The following NSMCE2 variants were observed in gnomAD, a reference collection of about 807,000 sequenced individuals.
NSMCE2 encodes NSE2 SUMO ligase component of SMC5/6 complex.
A neutral mutation model predicts 23.8 loss-of-function variants in NSMCE2; 24 were observed. That is an observed-to-expected ratio of 1.01 (90% CI 0.73 to 1.42). The LOEUF (loss-of-function observed/expected upper bound fraction) is 1.42. Ranked by LOEUF, NSMCE2 falls within the 40% of genes most tolerant of loss-of-function variation. NSMCE2 has a pLI of 0.00. For missense variants in NSMCE2, 284 were observed against 296.5 expected (o/e 0.96, Z 0.31); for synonymous variants, 92 against 94.1 (o/e 0.98, Z 0.13).
At chr8:125,156,564 T>C (rs1325207761) in intron 4 of NSMCE2, among the ~76,000 whole-genome samples, 1 of 152,192 alleles carries the variant, frequency 6.6e-6, no homozygotes, top group Non-Finnish European at 1.5e-5. Context: ...GGTTGGTCCA[T>C]TTGTATTGTT....
intron 1 of NSMCE2, chr8:125,094,389 T>C (rs1360858029): frequency 6.6e-6 from 1 of 152,222 alleles, no homozygotes; most frequent in Non-Finnish European, 1.5e-5. Flanking sequence ...GAGAAAAGTA[T>C]GTCTGTTCCA....
intron 7 of NSMCE2, among the ~76,000 whole-genome samples, chr8:125,366,323 G>C (rs534912301): frequency 1.2e-3 from 181 of 152,266 alleles, no homozygotes; most frequent in African/African-American, 4.0e-3. Flanking sequence ...GGCGGATCAC[G>C]AGGTCAGGAG....
intron 5 of NSMCE2, among the ~76,000 whole-genome samples, chr8:125,285,727 A>G (rs544939794): frequency 4.7e-5 from 7 of 149,816 alleles, no homozygotes; most frequent in Non-Finnish European, 1.0e-4. Flanking sequence ...TTGAGCACCT[A>G]CAGTATGCTA....
chr8:125,162,407 T>C (rs1821673349), intron 4 of NSMCE2, among the ~76,000 whole-genome samples: 1 of 152,210 alleles, frequency 6.6e-6, no homozygotes, highest in Admixed American at 6.5e-5. Context: ...TTAAACCGTT[T>C]TGGCTTTATA....
intron 5 of NSMCE2, among the ~76,000 whole-genome samples, chr8:125,204,786 T>C (rs968694890): frequency 1.3e-5 from 2 of 152,144 alleles, no homozygotes; most frequent in Non-Finnish European, 2.9e-5. Flanking sequence ...ACCAGTCCCC[T>C]CTCCATTACT....
intron 5 of NSMCE2, among the ~76,000 whole-genome samples, chr8:125,292,127 G>A (rs1828134989): frequency 6.6e-6 from 1 of 151,502 alleles, no homozygotes; most frequent in South Asian, 2.1e-4. Flanking sequence ...GCTGGACAAA[G>A]GTATAGTTGG....
intron 4 of NSMCE2, among the ~76,000 whole-genome samples, chr8:125,170,642 A>AG (rs1414235494): frequency 1.3e-5 from 2 of 152,106 alleles, no homozygotes; most frequent in East Asian, 3.9e-4. Flanking sequence ...TCCTGACCTC[A>AG]GGTGATCCAC....
intron 5 of NSMCE2, among the ~76,000 whole-genome samples, chr8:125,197,379 G>A (rs935404834): frequency 1.9e-4 from 29 of 152,142 alleles, no homozygotes; most frequent in Non-Finnish European, 3.1e-4. Context: ...TTTGTATAAG[G>A]TGTAAGGAAG....
chr8:125,123,356 A>G (rs893880675), intron 3 of NSMCE2, among the ~76,000 whole-genome samples: 1 of 152,224 alleles, frequency 6.6e-6, no homozygotes, highest in Non-Finnish European at 1.5e-5. Context: ...AAGTTCCACA[A>G]TATTTACTAA....
intron 4 of NSMCE2, among the ~76,000 whole-genome samples, chr8:125,168,511 A>G (rs1341057649): frequency 6.6e-6 from 1 of 152,226 alleles, no homozygotes. Flanking sequence ...TGGGAAATCT[A>G]TGATGAAGGT....
chr8:125,255,940 CTA>C (rs1285505767), intron 5 of NSMCE2, among the ~76,000 whole-genome samples: 1 of 152,018 alleles, frequency 6.6e-6, no homozygotes, highest in African/African-American at 2.4e-5. Flanking sequence ...GGAAGAGAAA[CTA>C]GAGTCAAGAA....
chr8:125,338,293 A>AG (rs1014659859), intron 5 of NSMCE2, among the ~76,000 whole-genome samples: 23 of 151,978 alleles, frequency 1.5e-4, no homozygotes, highest in Admixed American at 1.1e-3. Context: ...GGAAAAAAAA[A>AG]AAAAAGCTGC....
chr8:125,256,296 A>AC (rs1563746963), intron 5 of NSMCE2, among the ~76,000 whole-genome samples: 1 of 151,920 alleles, frequency 6.6e-6, no homozygotes, highest in African/African-American at 2.4e-5. Flanking sequence ...AAAAAAAAAA[A>AC]AACTAACTGA....
intron 5 of NSMCE2, among the ~76,000 whole-genome samples, chr8:125,236,415 G>T (rs766071287): frequency 2.0e-5 from 3 of 152,038 alleles, no homozygotes; most frequent in Non-Finnish European, 4.4e-5. Flanking sequence ...TCATGTAAAT[G>T]AGTATGTGTG....
intron 5 of NSMCE2, among the ~76,000 whole-genome samples, chr8:125,236,423 G>A (rs2130962969): frequency 6.6e-6 from 1 of 152,164 alleles, no homozygotes; most frequent in Admixed American, 6.5e-5. Context: ...ATGAGTATGT[G>A]TGTGTGTGTT....
chr8:125,243,368 G>T (rs1158748746), intron 5 of NSMCE2, among the ~76,000 whole-genome samples: 1 of 152,216 alleles, frequency 6.6e-6, no homozygotes. Flanking sequence ...ATTTGGATTT[G>T]ATTTTAAAGG....
At chr8:125,190,092 T>G (rs775343359) in intron 5 of NSMCE2, among the ~76,000 whole-genome samples, 1 of 152,240 alleles carries the variant, frequency 6.6e-6, no homozygotes, top group Admixed American at 6.5e-5. Flanking sequence ...TTTTTCAGGC[T>G]GGATTGCATC....
intron 5 of NSMCE2, among the ~76,000 whole-genome samples, chr8:125,235,931 A>G (rs1356286500): frequency 6.6e-6 from 1 of 152,208 alleles, no homozygotes; most frequent in Non-Finnish European, 1.5e-5. Context: ...CACATTTTAC[A>G]TATAATGTTA....
intron 5 of NSMCE2, among the ~76,000 whole-genome samples, chr8:125,249,608 T>TC (rs1461983683): frequency 5.3e-5 from 8 of 152,202 alleles, no homozygotes; most frequent in African/African-American, 9.7e-5. Context: ...AGCTGGTTTT[T>TC]CTCCATTTGT....
Sources: gnomAD v4.1 joint callset for allele counts (sites outside exome capture counted in the v4.1 genomes callset) on GRCh38, gnomAD v4.1.1 for gene constraint, MANE v1.5 for transcripts, NCBI Gene and HGNC (gene_info 2026-07-23, HGNC 2026-07-21) for gene names.